TBC1D5: variants seen among roughly 807,000 people sequenced by gnomAD.
TBC1D5 encodes the protein TBC1 domain family, member 5.
Under a neutral mutation model 100.3 loss-of-function variants are expected in TBC1D5, and 75 were observed. The ratio of observed to expected loss-of-function variants is 0.75; its 90% CI spans 0.62 to 0.91. The LOEUF (loss-of-function observed/expected upper bound fraction) is 0.91, where lower values mean the gene tolerates loss of function less well. Among genes scored for constraint, TBC1D5 ranks in the 40% least tolerant of loss-of-function variants. The pLI is 0.00. For missense variants in TBC1D5, 910 were observed against 942.4 expected (o/e 0.97, Z 0.45); for synonymous variants, 323 against 325.6 (o/e 0.99, Z 0.09).
intron 2 of TBC1D5, among the ~76,000 whole-genome samples, chr3:17,555,859 C>G (rs1040967881): frequency 2.0e-5 from 3 of 152,136 alleles, no homozygotes; most frequent in Non-Finnish European, 4.4e-5. Context: ...AAGAAGAGTA[C>G]AAACAAGCCA....
At chr3:17,321,423 T>C (rs1459268400) in intron 13 of TBC1D5, among the ~76,000 whole-genome samples, 1 of 152,246 alleles carries the variant, frequency 6.6e-6, no homozygotes, top group African/African-American at 2.4e-5. Context: ...GAAACACTTA[T>C]CAATGCATTT....
At chr3:17,703,910 T>TGG (rs1560510979) in intron 1 of TBC1D5, among the ~76,000 whole-genome samples, 2 of 108,156 alleles carry the variant, frequency 1.8e-5, no homozygotes, top group African/African-American at 2.8e-5. Context: ...TGTGTTTTTT[T>TGG]TTTGTTTTTT....
intron 15 of TBC1D5, among the ~76,000 whole-genome samples, chr3:17,277,696 T>TG (rs1167895166): frequency 6.6e-6 from 1 of 152,156 alleles, no homozygotes; most frequent in African/African-American, 2.4e-5. Context: ...CGTTCAGAAC[T>TG]GGGAAGAAAT....
chr3:17,461,320 C>A (rs140154739), intron 3 of TBC1D5, among the ~76,000 whole-genome samples: 7 of 152,278 alleles, frequency 4.6e-5, no homozygotes, highest in African/African-American at 1.7e-4. Flanking sequence ...ACACTTCCAA[C>A]AAGTTTTGTT....
At chr3:17,706,245 T>A (rs564383852) in intron 1 of TBC1D5, 1 of 1,548,872 alleles carries the variant, frequency 6.5e-7, no homozygotes, top group Non-Finnish European at 8.7e-7. Context: ...ACCACATTGA[T>A]ATTTGTACTT....
In TBC1D5 at chr3:17,421,881, T is replaced by C. The variant is rs191537148; in HGVS notation, c.167+6569A>G. Among the ~76,000 whole-genome samples, 1,251 of 152,274 alleles carry C rather than the reference T, an allele frequency of 8.2e-3. 11 individuals are homozygous for C. Among genetic ancestry groups the C allele is most frequent in the Non-Finnish European group, 0.013 (882 of 68,008 alleles). ...TTTATTCTTAAGAACATCTTAACAT[T>C]ATATAGATCCTCAACAACATACAGG... On this transcript the variant is annotated intron_variant, in intron 4 of 21. Coordinates refer to ENST00000253692, the Ensembl canonical transcript of TBC1D5.
intron 2 of TBC1D5, among the ~76,000 whole-genome samples, chr3:17,531,855 C>A (rs1487797110): frequency 6.6e-6 from 1 of 152,122 alleles, no homozygotes; most frequent in African/African-American, 2.4e-5. Context: ...TAAAGATTTA[C>A]ATGTTAGACC....
chr3:17,286,621 G>C (rs1295213973), intron 15 of TBC1D5, among the ~76,000 whole-genome samples: 1 of 152,202 alleles, frequency 6.6e-6, no homozygotes, highest in African/African-American at 2.4e-5. Context: ...GCTAAAAACA[G>C]ATATTTGATA....
chr3:17,450,016 T>C (rs1031284379), intron 3 of TBC1D5, among the ~76,000 whole-genome samples: 11 of 152,124 alleles, frequency 7.2e-5, no homozygotes, highest in Admixed American at 2.6e-4. Flanking sequence ...CCCTCTGGGA[T>C]GAAGTTTCCA....
intron 3 of TBC1D5, among the ~76,000 whole-genome samples, 187 bp downstream of exon 3, chr3:17,508,285 CTG>C (rs1251639768): frequency 4.6e-5 from 7 of 152,186 alleles, no homozygotes; most frequent in African/African-American, 1.4e-4. Context: ...CCATGAATAA[CTG>C]TGGCTTGTTG....
intron 13 of TBC1D5, among the ~76,000 whole-genome samples, chr3:17,322,615 C>T (rs1279576334): frequency 2.6e-5 from 4 of 152,138 alleles, no homozygotes; most frequent in Admixed American, 6.5e-5. Context: ...GTTTAAAAGA[C>T]GCAGACTCAA....
chr3:17,333,074 G>A (rs969701329), intron 13 of TBC1D5: 3 of 152,262 alleles, frequency 2.0e-5, no homozygotes, highest in Non-Finnish European at 4.4e-5. Flanking sequence ...ACAGTACAGG[G>A]GTGGGTGGTG....
intron 2 of TBC1D5, among the ~76,000 whole-genome samples, chr3:17,513,375 T>A (rs564591813): frequency 3.3e-5 from 5 of 151,876 alleles, no homozygotes; most frequent in African/African-American, 1.2e-4. Context: ...AGTATCTAAG[T>A]GAAAATCTCA....
chr3:17,445,762 G>A (rs546884401), intron 3 of TBC1D5, among the ~76,000 whole-genome samples: 17 of 152,206 alleles, frequency 1.1e-4, no homozygotes, highest in African/African-American at 2.9e-4. Context: ...AGGTATGTAC[G>A]TATAGCAAAA....
At chr3:17,185,986 GATAAT>G (rs2069004640) in intron 18 of TBC1D5, among the ~76,000 whole-genome samples, 1 of 144,050 alleles carries the variant, frequency 6.9e-6, no homozygotes, top group Admixed American at 6.9e-5. Flanking sequence ...TTAAGGAAAA[GATAAT>G]ATAAGCAAAA....
chr3:17,442,938 TAGAA>T (rs1029507249), intron 3 of TBC1D5, among the ~76,000 whole-genome samples: 6 of 146,650 alleles, frequency 4.1e-5, no homozygotes, highest in East Asian at 4.0e-4. Flanking sequence ...AAGAGGGAAA[TAGAA>T]GGAAGGGAAG....
At chr3:17,450,446 G>T (rs1049537190) in intron 3 of TBC1D5, among the ~76,000 whole-genome samples, 7 of 152,082 alleles carry the variant, frequency 4.6e-5, no homozygotes, top group African/African-American at 1.7e-4. Flanking sequence ...CGAGTTAAAG[G>T]AGCATGTTCT....
intron 3 of TBC1D5, among the ~76,000 whole-genome samples, chr3:17,429,225 A>T (rs1230014902): frequency 2.6e-5 from 4 of 151,972 alleles, no homozygotes; most frequent in Non-Finnish European, 5.9e-5. Flanking sequence ...TATACATATC[A>T]ATTTAAAGAC....
intron 13 of TBC1D5, among the ~76,000 whole-genome samples, chr3:17,316,385 T>C (rs2084702216): frequency 6.6e-6 from 1 of 152,206 alleles, no homozygotes; most frequent in South Asian, 2.1e-4. Flanking sequence ...GCAGACCCCT[T>C]TGAGAATGTA....
Sources: gnomAD v4.1 joint callset for allele counts (sites outside exome capture counted in the v4.1 genomes callset) on GRCh38, gnomAD v4.1.1 for gene constraint, MANE v1.5 for transcripts, NCBI Gene and HGNC (gene_info 2026-07-23, HGNC 2026-07-21) for gene names.